NFIA: variants seen among roughly 807,000 people sequenced by gnomAD.
NFIA encodes the protein nuclear factor 1 A-type.
Under a neutral mutation model 62.8 loss-of-function variants are expected in NFIA, and 8 were observed. The ratio of observed to expected loss-of-function variants is 0.13; its 90% CI spans 0.07 to 0.23. NFIA has a LOEUF of 0.23. NFIA is among the 10% of genes least tolerant of loss of function. The pLI is 1.00. For synonymous variants in NFIA, 235 were observed against 238.1 expected (o/e 0.99, Z 0.12); for missense variants, 410 against 642.1 (o/e 0.64, Z 3.91).
chr1:61,243,385 C>T (rs1655458418), intron 2 of NFIA, among the ~76,000 whole-genome samples: 1 of 152,044 alleles, frequency 6.6e-6, no homozygotes. Flanking sequence ...TCTTTCTTGC[C>T]AATTCTTACA....
chr1:61,277,124 T>G (rs1438462962), intron 2 of NFIA, among the ~76,000 whole-genome samples: 1 of 152,216 alleles, frequency 6.6e-6, no homozygotes, highest in Non-Finnish European at 1.5e-5. Context: ...AAATATGTTT[T>G]GACACTTTAT....
chr1:61,447,176 A>G (rs955345748), intron 10 of NFIA, among the ~76,000 whole-genome samples: 2 of 152,238 alleles, frequency 1.3e-5, no homozygotes, highest in Non-Finnish European at 2.9e-5. Context: ...TTTAATGTGA[A>G]AATCAAAAAT....
intron 10 of NFIA, among the ~76,000 whole-genome samples, chr1:61,453,443 CTTTTT>C (rs11336299): frequency 3.8e-5 from 3 of 78,860 alleles, no homozygotes; most frequent in Admixed American, 1.7e-4. Flanking sequence ...TGTGAAGAAA[CTTTTT>C]TTTTTTTTTT....
At chr1:61,424,298 T>G (rs1421965235) in intron 9 of NFIA, among the ~76,000 whole-genome samples, 1 of 152,106 alleles carries the variant, frequency 6.6e-6, no homozygotes, top group African/African-American at 2.4e-5. Flanking sequence ...CTTTCCAGAT[T>G]TAGCAAGCTT....
chr1:61,096,842 C>T (rs1217376911), intron 2 of NFIA, among the ~76,000 whole-genome samples: 6 of 152,084 alleles, frequency 3.9e-5, no homozygotes, highest in Non-Finnish European at 5.9e-5. Context: ...TGAGCCACCG[C>T]GCCTGGCGAC....
intron 6 of NFIA, among the ~76,000 whole-genome samples, chr1:61,362,641 G>A (rs1462891430): frequency 6.6e-6 from 1 of 152,140 alleles, no homozygotes; most frequent in Non-Finnish European, 1.5e-5. Flanking sequence ...GTTTATCTCA[G>A]CACTTTTAGT....
At chr1:61,352,334 A>T (rs1232233016) in intron 4 of NFIA, 116 bp from the exon 5 acceptor site, 1 of 688,704 alleles carries the variant, frequency 1.5e-6, no homozygotes, top group African/African-American at 1.8e-5. Flanking sequence ...ATTATTTTCG[A>T]TTCGCTTACA....
intron 2 of NFIA, among the ~76,000 whole-genome samples, chr1:61,258,319 C>T (rs1331841179): frequency 1.3e-5 from 2 of 152,172 alleles, no homozygotes; most frequent in Admixed American, 6.5e-5. Context: ...AAACAGGCTA[C>T]ATGTTGGAGT....
rs10635152 is a variant in NFIA at position 61,128,915 on chromosome 1, GTTTTTT to G, written c.559+40255_559+40260del. Among the ~76,000 whole-genome samples, 15 of 74,138 alleles carry G rather than the reference GTTTTTT, an allele frequency of 2.0e-4. 2 individuals carry two copies. The Admixed American group carries it at 2.6e-3, about 13-fold the overall frequency. The allele number at this position is 74,138 out of a possible 152,430, so 48.6% of individuals were successfully genotyped here. On this transcript the variant is annotated intron_variant, in intron 2 of 10. Coordinates refer to ENST00000403491, the MANE Select transcript of NFIA (RefSeq NM_001134673.4). ...CCAGCCAATGGTGATGCTTACTTAT[GTTTTTT>G]TTTTTTTTTTTTTTTTTTTGAGACG...
intron 10 of NFIA, among the ~76,000 whole-genome samples, chr1:61,450,918 TA>T (rs1481060761): frequency 6.6e-6 from 1 of 152,196 alleles, no homozygotes; most frequent in Non-Finnish European, 1.5e-5. Flanking sequence ...GCCCTCTTAG[TA>T]AAAAGAGGAT....
chr1:61,434,155 A>G (rs1349511314), intron 10 of NFIA, among the ~76,000 whole-genome samples: 1 of 152,174 alleles, frequency 6.6e-6, no homozygotes, highest in Non-Finnish European at 1.5e-5. Context: ...CCAAGGGGAG[A>G]CAATGTCTCT....
chr1:61,348,750 C>G (rs1021494660), intron 4 of NFIA, among the ~76,000 whole-genome samples: 2 of 152,190 alleles, frequency 1.3e-5, no homozygotes, highest in Non-Finnish European at 2.9e-5. Flanking sequence ...GAGGCCTCTT[C>G]TTCTCTCCGT....
chr1:61,292,418 C>T (rs1658948967), intron 3 of NFIA, among the ~76,000 whole-genome samples: 1 of 152,144 alleles, frequency 6.6e-6, no homozygotes, highest in African/African-American at 2.4e-5. Flanking sequence ...TATTCCCCTC[C>T]TTCCAATTGA....
chr1:61,195,338 G>C (rs1489673399), intron 2 of NFIA, among the ~76,000 whole-genome samples: 2 of 152,118 alleles, frequency 1.3e-5, no homozygotes, highest in Non-Finnish European at 2.9e-5. Flanking sequence ...ATAAGAAAAT[G>C]ACAGGCACAT....
intron 4 of NFIA, among the ~76,000 whole-genome samples, chr1:61,347,283 C>A: frequency 6.7e-6 from 1 of 148,408 alleles, no homozygotes; most frequent in East Asian, 2.0e-4. Context: ...ACACCATTCT[C>A]CTGCCTCAGC....
chr1:61,176,359 T>A (rs1299080418), intron 2 of NFIA, among the ~76,000 whole-genome samples: 1 of 152,186 alleles, frequency 6.6e-6, no homozygotes, highest in Non-Finnish European at 1.5e-5. Context: ...GAGGCAGGCA[T>A]GAATTAATGA....
chr1:61,330,181 G>C (rs543779375), intron 3 of NFIA, among the ~76,000 whole-genome samples: 15 of 152,162 alleles, frequency 9.9e-5, no homozygotes, highest in African/African-American at 3.1e-4. Flanking sequence ...TGGATGGAAT[G>C]CCCAACAAAT....
rs1668586129 is a variant in NFIA at position 61,462,508 on chromosome 1, G to C, written c.*7188G>C. On this transcript the variant is annotated 3_prime_UTR_variant, in exon 11 of 11. Transcript: ENST00000403491. ...CTTGGTCTGAAATCTGTTTTTATGA[G>C]CCGGGCCCCCTGTGCCTCTAGTATA... 1 of 152,202 alleles carries C rather than the reference G, an allele frequency of 6.6e-6. No homozygotes were observed. Among genetic ancestry groups the C allele is most frequent in the African/African-American group, 2.4e-5 (1 of 41,440 alleles). 9.4% of individuals were successfully genotyped at this position (152,202 alleles called of 1,614,324 possible).
At chr1:61,189,605 C>T (rs1005267244) in intron 2 of NFIA, among the ~76,000 whole-genome samples, 4 of 152,076 alleles carry the variant, frequency 2.6e-5, no homozygotes, top group Non-Finnish European at 5.9e-5. Context: ...GCGGAAGTTG[C>T]AGTGAGCCGA....
Sources: gnomAD v4.1 joint callset for allele counts (sites outside exome capture counted in the v4.1 genomes callset) on GRCh38, gnomAD v4.1.1 for gene constraint, MANE v1.5 for transcripts, NCBI Gene and HGNC (gene_info 2026-07-23, HGNC 2026-07-21) for gene names.